TNRC6C: variants seen among roughly 807,000 people sequenced by gnomAD.
TNRC6C encodes the protein trinucleotide repeat containing adaptor 6C, also known as trinucleotide repeat-containing gene 6C protein.
TNRC6C carries 20 observed loss-of-function variants against 153.7 expected under a neutral mutation model. That is an observed-to-expected ratio of 0.13 (90% CI 0.09 to 0.19). The LOEUF (loss-of-function observed/expected upper bound fraction) is 0.19. Among genes scored for constraint, TNRC6C ranks in the 10% least tolerant of loss-of-function variants. The pLI is 1.00. For synonymous variants in TNRC6C, 811 were observed against 841.4 expected (o/e 0.96, Z 0.63); for missense variants, 1,987 against 2,172.0 (o/e 0.91, Z 1.69).
chr17:78,105,015 C>A, exon 20 of TNRC6C: 1 of 802,886 alleles, frequency 1.2e-6, no homozygotes, highest in Non-Finnish European at 1.7e-6. Flanking sequence ...CAAAACAGTG[C>A]GGGCTGCGGT....
chr17:78,065,469 A>C (rs924772135), intron 4 of TNRC6C, among the ~76,000 whole-genome samples: 3 of 152,204 alleles, frequency 2.0e-5, no homozygotes, highest in Non-Finnish European at 4.4e-5. Context: ...AATAAATGCA[A>C]AAGTCAAAGC....
At chr17:78,083,539 C>T (rs1300056130) in intron 11 of TNRC6C, among the ~76,000 whole-genome samples, 2 of 152,140 alleles carry the variant, frequency 1.3e-5, no homozygotes, top group Non-Finnish European at 2.9e-5. Context: ...ACCAATCTAC[C>T]AGATTTTATA....
rs915242518 is a variant in TNRC6C, at chr17:78,075,377, A to G, written c.3060+99A>G. 5 of 1,369,828 alleles carry G rather than the reference A, an allele frequency of 3.7e-6. No individual in the cohort carries two copies. Among genetic ancestry groups the G allele is most frequent in the Middle Eastern group, 2.2e-4 (1 of 4,518 alleles). The allele number at this position is 1,369,828 out of a possible 1,614,324, so 84.9% of individuals were successfully genotyped here. Reference sequence around the variant, plus strand: ...ACAAGCCAGATTAAAAACTTGCTGGACTATAATACTTAAGTGACTTTTATC... The same window carrying G: ...ACAAGCCAGATTAAAAACTTGCTGGGCTATAATACTTAAGTGACTTTTATC... On this transcript the variant is annotated intron_variant, in intron 8 of 19. Coordinates refer to ENST00000301624, the Ensembl canonical transcript of TNRC6C. The surrounding 1 kb of genome is among the most constrained non-coding windows in gnomAD (Gnocchi z 4.2).
chr17:78,014,838 A>G (rs2071699142), intron 1 of TNRC6C, among the ~76,000 whole-genome samples: 1 of 151,960 alleles, frequency 6.6e-6, no homozygotes, highest in Admixed American at 6.6e-5. Context: ...CTGAACAAAC[A>G]GAAGGCACCA....
chr17:78,038,245 A>G (rs905568773), intron 2 of TNRC6C, among the ~76,000 whole-genome samples: 1 of 152,258 alleles, frequency 6.6e-6, no homozygotes, highest in African/African-American at 2.4e-5. Flanking sequence ...CAGTGTAAAT[A>G]GCAAAAGATA....
rs374835057 is a variant in TNRC6C at position 78,064,521 on chromosome 17, A to G, written c.2396-201A>G. 4.9e-4 allele frequency among the ~76,000 whole-genome samples: 74 copies of G among 152,338 alleles called. 2 individuals are homozygous for G. The highest frequency in any genetic ancestry group is 1.7e-3 in the African/African-American group (72 of 41,570). On this transcript the variant is annotated intron_variant, in intron 3 of 19. Transcript: ENST00000301624. ...AGCGAGTCCCCATCTCTAAATAAAAATAAATGAATAAAAATTTTAAAATAC... is the reference window on the plus strand; with the variant it reads ...AGCGAGTCCCCATCTCTAAATAAAAGTAAATGAATAAAAATTTTAAAATAC...
intron 11 of TNRC6C, among the ~76,000 whole-genome samples, chr17:78,083,489 C>T (rs1048610336): frequency 3.9e-5 from 6 of 152,196 alleles, no homozygotes; most frequent in African/African-American, 1.4e-4. Flanking sequence ...CGGGTGTGCA[C>T]CACTGCACAT....
chr17:78,059,627 T>A (rs2072726063), intron 3 of TNRC6C, among the ~76,000 whole-genome samples: 1 of 152,164 alleles, frequency 6.6e-6, no homozygotes, highest in Non-Finnish European at 1.5e-5. Flanking sequence ...CCAGGTGGGT[T>A]GCTTGAACCC....
intron 1 of TNRC6C, 76 bp downstream of exon 3, chr17:78,005,155 T>A (rs541078978): frequency 3.2e-5 from 32 of 993,224 alleles, no homozygotes; most frequent in East Asian, 9.9e-5. Flanking sequence ...CTTTTTTTTT[T>A]AAATTGATGG....
At chr17:78,044,706 C>G (rs138163020) in intron 2 of TNRC6C, among the ~76,000 whole-genome samples, 1 of 152,370 alleles carries the variant, frequency 6.6e-6, no homozygotes, top group East Asian at 1.9e-4. Flanking sequence ...CAGCCACACT[C>G]ATTCTGCTTT....
intron 2 of TNRC6C, among the ~76,000 whole-genome samples, 179 bp from the exon 5 acceptor site, chr17:78,048,666 T>C (rs925515390): frequency 6.6e-6 from 1 of 152,242 alleles, no homozygotes; most frequent in Admixed American, 6.5e-5. Flanking sequence ...ACATTAACGC[T>C]CTTTAAAATG....
chr17:78,097,992 A>T, intron 16 of TNRC6C, 131 bp downstream of exon 19: 1 of 821,806 alleles, frequency 1.2e-6, no homozygotes, highest in Non-Finnish European at 1.9e-6. Context: ...GGCGTGATGA[A>T]GGATGGGTGG....
chr17:78,001,827 A>C (rs1414911794), upstream of TNRC6C, among the ~76,000 whole-genome samples: 1 of 152,168 alleles, frequency 6.6e-6, no homozygotes, highest in Non-Finnish European at 1.5e-5. Context: ...GAGAAAGTAG[A>C]TAAGGGATGC....
chr17:78,051,417 T>G, exon 3 of TNRC6C: 1 of 1,538,176 alleles, frequency 6.5e-7, no homozygotes, highest in Non-Finnish European at 8.8e-7. Context: ...AGGCCGGTAC[T>G]CAGCTGAATC....
At chr17:77,998,815 T>G (rs1034967842) in intron 1 of TNRC6C, among the ~76,000 whole-genome samples, 1 of 152,240 alleles carries the variant, frequency 6.6e-6, no homozygotes, top group African/African-American at 2.4e-5. Context: ...GTCTGGTTCT[T>G]TGTATGAGGA....
At chr17:78,100,211 T>A (rs2144640678) in intron 17 of TNRC6C, among the ~76,000 whole-genome samples, 1 of 152,352 alleles carries the variant, frequency 6.6e-6, no homozygotes. Context: ...GACGGTGACC[T>A]TCTTCTCATA....
intron 1 of TNRC6C, among the ~76,000 whole-genome samples, chr17:78,023,184 C>A (rs778282797): frequency 2.0e-5 from 3 of 152,108 alleles, no homozygotes; most frequent in Non-Finnish European, 2.9e-5. Context: ...GTAGGTTATA[C>A]GCAAATAATA....
chr17:78,055,367 C>T (rs761615230), intron 3 of TNRC6C, among the ~76,000 whole-genome samples: 3 of 152,146 alleles, frequency 2.0e-5, no homozygotes, highest in Non-Finnish European at 2.9e-5. Context: ...ACAGTAAAGA[C>T]ATAAACTGGT....
intron 3 of TNRC6C, among the ~76,000 whole-genome samples, chr17:78,061,268 TC>T (rs2072762763): frequency 6.6e-6 from 1 of 152,226 alleles, no homozygotes; most frequent in Non-Finnish European, 1.5e-5. Flanking sequence ...TTTAAAAGAA[TC>T]CCTATAAATT....
Sources: gnomAD v4.1 joint callset for allele counts (sites outside exome capture counted in the v4.1 genomes callset) on GRCh38, gnomAD v4.1.1 for gene constraint, Gnocchi (gnomAD v3.1) non-coding constraint, MANE v1.5 for transcripts, NCBI Gene and HGNC (gene_info 2026-07-23, HGNC 2026-07-21) for gene names.